The following PAPSS1 variants were observed in gnomAD, a reference collection of about 807,000 sequenced individuals.
The protein encoded by PAPSS1 is bifunctional 3'-phosphoadenosine 5'-phosphosulfate synthase 1.
A neutral mutation model predicts 72.0 loss-of-function variants in PAPSS1; 50 were observed. That is an observed-to-expected ratio of 0.69 (90% CI 0.55 to 0.88). The LOEUF (loss-of-function observed/expected upper bound fraction) is 0.88. Ranked by LOEUF, PAPSS1 falls within the 40% of genes least tolerant of loss-of-function variation. The pLI, the probability that PAPSS1 is intolerant of heterozygous loss-of-function variation, is 0.00. For missense variants in PAPSS1, 657 were observed against 782.2 expected (o/e 0.84, Z 1.91); for synonymous variants, 261 against 263.6 (o/e 0.99, Z 0.09).
At chr4:107,664,246 T>G (rs1313296010) in intron 5 of PAPSS1, among the ~76,000 whole-genome samples, 1 of 152,174 alleles carries the variant, frequency 6.6e-6, no homozygotes, top group East Asian at 1.9e-4. Flanking sequence ...AAATGTATAT[T>G]ATTGTAAGGA....
chr4:107,639,708 A>G (rs1192221984), intron 10 of PAPSS1, among the ~76,000 whole-genome samples: 2 of 152,230 alleles, frequency 1.3e-5, no homozygotes, highest in Non-Finnish European at 1.5e-5. Flanking sequence ...TATGGCTTGT[A>G]TAATTAGACT....
intron 5 of PAPSS1, among the ~76,000 whole-genome samples, chr4:107,680,555 A>T (rs1469555699): frequency 6.6e-6 from 1 of 152,162 alleles, no homozygotes; most frequent in Non-Finnish European, 1.5e-5. Flanking sequence ...TTTCTAACAC[A>T]CTTCCTAGGA....
chr4:107,622,519 CAA>C (rs1453180497), intron 11 of PAPSS1, among the ~76,000 whole-genome samples: 1 of 152,158 alleles, frequency 6.6e-6, no homozygotes, highest in Non-Finnish European at 1.5e-5. Flanking sequence ...ACAATGGTTT[CAA>C]AAGAGGGGCT....
intron 5 of PAPSS1, among the ~76,000 whole-genome samples, chr4:107,674,050 G>T (rs62135251): frequency 9.7e-6 from 1 of 102,844 alleles, no homozygotes; most frequent in African/African-American, 2.8e-5. Context: ...GAAGGAAGCA[G>T]TAAACATAGA....
At chr4:107,699,170 A>G (rs1431020771) in intron 2 of PAPSS1, among the ~76,000 whole-genome samples, 1 of 152,164 alleles carries the variant, frequency 6.6e-6, no homozygotes, top group Non-Finnish European at 1.5e-5. Context: ...TTTTCCCCCA[A>G]AATTAATCTT....
intron 9 of PAPSS1, among the ~76,000 whole-genome samples, chr4:107,645,934 A>T (rs963429376): frequency 6.6e-6 from 1 of 152,214 alleles, no homozygotes; most frequent in African/African-American, 2.4e-5. Context: ...TCACTGTAAC[A>T]AAAGGTACCA....
chr4:107,641,131 C>T (rs1054243537), intron 10 of PAPSS1, among the ~76,000 whole-genome samples: 1 of 152,214 alleles, frequency 6.6e-6, no homozygotes, highest in Non-Finnish European at 1.5e-5. Context: ...AGTGTCCATC[C>T]TTACCAGGCC....
intron 3 of PAPSS1, among the ~76,000 whole-genome samples, chr4:107,692,372 A>T (rs146089736): frequency 2.6e-3 from 399 of 152,340 alleles, no homozygotes; most frequent in African/African-American, 9.3e-3. Context: ...TGCAGCCAAC[A>T]AACATGAAAA....
chr4:107,671,038 A>G lies in PAPSS1; in HGVS notation c.670-10966T>C, dbSNP rs184752920. On this transcript the variant is annotated intron_variant, in intron 5 of 11. Transcript: ENST00000265174. ...GGATAGTGTGATCCTAAAATCATAC[A>G]GTGTCAATTTACCTTCAGTTTTTAA... Among the ~76,000 whole-genome samples the G allele has an allele frequency of 1.6e-4, 24 of 152,330 alleles. No individual in the cohort carries two copies. The East Asian group carries it at 3.3e-3, about 21-fold the overall frequency.
chr4:107,700,725 C>G (rs1172795632), intron 2 of PAPSS1, among the ~76,000 whole-genome samples: 1 of 152,210 alleles, frequency 6.6e-6, no homozygotes, highest in Non-Finnish European at 1.5e-5. Context: ...GTATTACAAA[C>G]ATAGCAAGAA....
chr4:107,666,465 T>C (rs1412126757), intron 5 of PAPSS1, among the ~76,000 whole-genome samples: 1 of 152,134 alleles, frequency 6.6e-6, no homozygotes, highest in African/African-American at 2.4e-5. Context: ...CGCTAAGAAA[T>C]GCAGTCTTTA....
At chr4:107,699,504 C>T (rs1341077872) in intron 2 of PAPSS1, among the ~76,000 whole-genome samples, 2 of 152,020 alleles carry the variant, frequency 1.3e-5, no homozygotes, top group Non-Finnish European at 2.9e-5. Flanking sequence ...AAGACACCCT[C>T]ATAAATCTAT....
intron 11 of PAPSS1, among the ~76,000 whole-genome samples, chr4:107,620,106 C>T (rs1178585661): frequency 6.6e-6 from 1 of 152,190 alleles, no homozygotes; most frequent in East Asian, 1.9e-4. Context: ...AGCAGATGGC[C>T]CTTCAAGTAT....
At chr4:107,616,810 T>G (rs1725833267) in intron 11 of PAPSS1, among the ~76,000 whole-genome samples, 1 of 152,172 alleles carries the variant, frequency 6.6e-6, no homozygotes, top group Non-Finnish European at 1.5e-5. Flanking sequence ...TATAAATAAG[T>G]GAACACATAA....
chr4:107,682,226 A>G, intron 4 of PAPSS1, 93 bp from the exon 5 acceptor site: 6 of 605,928 alleles, frequency 9.9e-6, no homozygotes, highest in Non-Finnish European at 1.4e-5. Flanking sequence ...TGAAGTTAGT[A>G]TCTGCGCTGT....
At chr4:107,641,392 C>T (rs942698896) in intron 10 of PAPSS1, among the ~76,000 whole-genome samples, 1 of 152,158 alleles carries the variant, frequency 6.6e-6, no homozygotes, top group African/African-American at 2.4e-5. Flanking sequence ...CCCCACCTGT[C>T]CATGCTATAT....
chr4:107,687,134 G>T lies in PAPSS1; in HGVS notation c.455C>A (p.Pro152Gln). 6.3e-7 allele frequency: 1 copy of T among 1,595,368 alleles called. No homozygotes were observed. The highest frequency in any genetic ancestry group is 1.2e-5 in the South Asian group (1 of 86,578). ...ARQIHEGASL[P>Q]FFEVFVDAPL... ...AGCATCAACAAATACTTCAAAAAAC[G>T]GTAAACTTGCACCTTCATGAATTTG... Residue 152 changes from proline to glutamine, a missense_variant, in exon 4 of 12, where the codon CCG becomes CAG. Physicochemically the swap from Pro to Gln is moderately conservative, Grantham distance 76. This residue lies in a region of PAPSS1 where 119 missense variants were observed against 171.1 expected (regional missense o/e 0.70). Coordinates refer to ENST00000265174, the MANE Select transcript of PAPSS1 (RefSeq NM_005443.5).
chr4:107,707,392 G>A (rs1723364681), intron 1 of PAPSS1, among the ~76,000 whole-genome samples: 1 of 152,206 alleles, frequency 6.6e-6, no homozygotes, highest in South Asian at 2.1e-4. Context: ...GGTCTGGCCT[G>A]GTGGTGGAGG....
In PAPSS1 at chr4:107,656,993, C is replaced by T; in HGVS notation, c.798G>A (p.Trp266Ter). The stretch of plus-strand genomic sequence containing the variant: ...CCCAACCTTCTGCCAAAACCTGCAC[C>T]CACTGCATATCCACCTAGTAAATTT... ...ALKINKVDMQ[W>*]VQVLAEGWAT... The change falls in exon 7 of 12, where the codon TGG becomes TGA. Residue 266 changes from tryptophan (W) to a stop codon, truncating the protein, a stop_gained. Coordinates refer to ENST00000265174, the MANE Select transcript of PAPSS1 (RefSeq NM_005443.5). LOFTEE classifies it high-confidence loss of function. 7.4e-6 allele frequency: 12 copies of T among 1,612,916 alleles called. No individual in the cohort carries two copies. Among genetic ancestry groups the T allele is most frequent in the Non-Finnish European group, 1.0e-5 (12 of 1,178,952 alleles).
Sources: allele counts gnomAD v4.1 joint callset (sites outside exome capture counted in the v4.1 genomes callset), GRCh38; gene constraint gnomAD v4.1.1; regional missense constraint gnomAD v4.1.1; transcripts MANE v1.5; gene names NCBI Gene and HGNC (gene_info 2026-07-23, HGNC 2026-07-21).